Variants in RGSL1 observed in about 807,000 individuals in gnomAD.
RGSL1 encodes the protein regulator of G protein signaling protein-like.
Under a neutral mutation model 124.7 loss-of-function variants are expected in RGSL1, and 97 were observed. The observed-to-expected ratio is 0.78, with a 90% CI of 0.66 to 0.92. RGSL1 has a LOEUF of 0.92. RGSL1 is among the 40% of genes least tolerant of loss of function. The probability of loss-of-function intolerance (pLI) is 0.00; values close to 1 mark genes in which losing one functional copy is unlikely to be tolerated. For missense variants in RGSL1, 1,233 were observed against 1,288.4 expected (o/e 0.96, Z 0.66); for synonymous variants, 424 against 438.1 (o/e 0.97, Z 0.40).
At chr1:182,458,220 G>A (rs2765278) in intron 2 of RGSL1, 99 bp from the exon 3 acceptor site, 29,253 of 796,582 alleles carry the variant, frequency 0.037, 1,874 homozygotes, top group East Asian at 0.24. Context: ...AAATAAAAGA[G>A]CCATGGAACC....
intron 9 of RGSL1, among the ~76,000 whole-genome samples, chr1:182,516,472 A>G (rs1657905357): frequency 6.6e-6 from 1 of 152,226 alleles, no homozygotes; most frequent in African/African-American, 2.4e-5. Flanking sequence ...GTAAGGACTT[A>G]CTACTGCCAT....
intron 21 of RGSL1, among the ~76,000 whole-genome samples, chr1:182,556,426 A>G (rs1347711168): frequency 6.6e-6 from 1 of 152,238 alleles, no homozygotes; most frequent in Admixed American, 6.5e-5. Context: ...CAGCAAGGAC[A>G]GATGGTGTCT....
chr1:182,466,121 A>G (rs890701558), intron 4 of RGSL1, among the ~76,000 whole-genome samples: 2 of 149,930 alleles, frequency 1.3e-5, no homozygotes, highest in African/African-American at 4.9e-5. Context: ...ACACCCTTTC[A>G]TGAAAAAAAA....
intron 17 of RGSL1, chr1:182,550,808 C>T: frequency 2.8e-6 from 1 of 355,016 alleles, no homozygotes; most frequent in Non-Finnish European, 5.1e-6. Flanking sequence ...TAACCTCACC[C>T]CAGGCCTCAG....
chr1:182,451,610 G>A (rs765707317), intron 1 of RGSL1, among the ~76,000 whole-genome samples: 4 of 151,106 alleles, frequency 2.6e-5, no homozygotes, highest in Admixed American at 6.6e-5. Flanking sequence ...GGCAGAGTGC[G>A]CAGAGAGGCA....
At chr1:182,540,449 C>A (rs201012538) in intron 15 of RGSL1, 28 bp downstream of exon 15, 74 of 1,539,590 alleles carry the variant, frequency 4.8e-5, no homozygotes, top group Non-Finnish European at 6.4e-5. Flanking sequence ...CCTTCTTCTG[C>A]CCTGAAAATG....
At chr1:182,548,087 G>A (rs1229226113) in intron 15 of RGSL1, among the ~76,000 whole-genome samples, 2 of 152,170 alleles carry the variant, frequency 1.3e-5, no homozygotes, top group South Asian at 2.1e-4. Flanking sequence ...ATAAACAAGG[G>A]GGTTTGTGGT....
chr1:182,538,746 G>A (rs539899508), intron 14 of RGSL1, among the ~76,000 whole-genome samples: 165 of 152,226 alleles, frequency 1.1e-3, no homozygotes, highest in African/African-American at 3.8e-3. Context: ...CTTGTAACAT[G>A]TTGATAGTGA....
intron 6 of RGSL1, among the ~76,000 whole-genome samples, chr1:182,485,218 G>C (rs1335079860): frequency 6.6e-6 from 1 of 152,164 alleles, no homozygotes; most frequent in African/African-American, 2.4e-5. Flanking sequence ...GTCCCCAGCT[G>C]ATCCAGGCTC....
At chr1:182,521,952 C>A in intron 9 of RGSL1, 52 bp from the exon 10 acceptor site, 1 of 1,227,080 alleles carries the variant, frequency 8.1e-7, no homozygotes, top group Non-Finnish European at 1.1e-6. Flanking sequence ...TAGTTTTTCC[C>A]TTTTCATTGC....
At chr1:182,553,589 G>A (rs1456685325) in intron 19 of RGSL1, 48 bp downstream of exon 19, 2 of 1,512,318 alleles carry the variant, frequency 1.3e-6, no homozygotes, top group Non-Finnish European at 9.0e-7. Flanking sequence ...TCAATCAGAG[G>A]GGGACTTTAA....
At chr1:182,450,113 TG>T, upstream of RGSL1, 2 of 1,550,124 alleles carry the variant, frequency 1.3e-6, no homozygotes, top group Non-Finnish European at 1.7e-6. Flanking sequence ...TTCTATTGAC[TG>T]GGGGGTAATT....
At chr1:182,550,802 C>T (rs1228911975) in intron 17 of RGSL1, 3 of 329,410 alleles carry the variant, frequency 9.1e-6, no homozygotes, top group African/African-American at 2.1e-5. Context: ...AGGGGTTAAC[C>T]TCACCCCAGG....
upstream of RGSL1, among the ~76,000 whole-genome samples, chr1:182,448,581 T>C (rs927180359): frequency 4.6e-5 from 7 of 152,104 alleles, no homozygotes; most frequent in African/African-American, 9.7e-5. Flanking sequence ...TTGGAAAATA[T>C]ACAGACTCCT....
Position 182,522,119 on chromosome 1 carries a change from A to T in RGSL1, c.1931+10A>T. On this transcript the variant is annotated intron_variant, in intron 10 of 21. Transcript: ENST00000294854. ...CATCAATGAGACCCAGGTGAGATAT[A>T]GAATCTGTTTACAGCAACATCTTCA... 1 of 1,529,698 alleles carries T rather than the reference A, an allele frequency of 6.5e-7. No individual in the cohort carries two copies. The highest frequency in any genetic ancestry group is 8.8e-7 in the Non-Finnish European group (1 of 1,130,198). 94.8% of individuals were successfully genotyped at this position (1,529,698 alleles called of 1,614,324 possible).
chr1:182,540,194 G>GT (rs1226870934), intron 14 of RGSL1, 53 bp from the exon 15 acceptor site: 1 of 1,479,332 alleles, frequency 6.8e-7, no homozygotes, highest in Non-Finnish European at 9.0e-7. Flanking sequence ...CAGGTTGAGG[G>GT]TAAGAGTGAC....
intron 9 of RGSL1, among the ~76,000 whole-genome samples, chr1:182,500,042 C>A (rs1274477648): frequency 6.6e-6 from 1 of 152,132 alleles, no homozygotes; most frequent in East Asian, 1.9e-4. Context: ...TGTTTTCTTT[C>A]ATTTTTTGCT....
intron 9 of RGSL1, among the ~76,000 whole-genome samples, chr1:182,509,674 C>T (rs1490079737): frequency 2.2e-5 from 3 of 137,104 alleles, no homozygotes; most frequent in Non-Finnish European, 4.8e-5. Flanking sequence ...GGGGCTGAAC[C>T]CCCCACCTCC....
chr1:182,533,465 G>A (rs1173988659), intron 14 of RGSL1, among the ~76,000 whole-genome samples: 1 of 130,094 alleles, frequency 7.7e-6, no homozygotes, highest in Non-Finnish European at 1.5e-5. Flanking sequence ...TCTACTATGA[G>A]GCAAGCAGTT....
Sources: allele counts gnomAD v4.1 joint callset (sites outside exome capture counted in the v4.1 genomes callset), GRCh38; gene constraint gnomAD v4.1.1; transcripts MANE v1.5; gene names NCBI Gene and HGNC (gene_info 2026-07-23, HGNC 2026-07-21).